GABRB2: variants seen among roughly 807,000 people sequenced by gnomAD.
GABRB2 encodes the protein gamma-aminobutyric acid receptor subunit beta-2.
A neutral mutation model predicts 54.7 loss-of-function variants in GABRB2; 16 were observed. That is an observed-to-expected ratio of 0.29 (90% CI 0.20 to 0.44). The LOEUF is 0.44. GABRB2 is among the 20% of genes least tolerant of loss of function. GABRB2 has a pLI of 1.00. For synonymous variants in GABRB2, 244 were observed against 233.8 expected, an observed-to-expected ratio of 1.04 and a Z score of -0.40; for missense variants, 355 against 644.0, an observed-to-expected ratio of 0.55 and a Z score of 4.86.
chr5:161,480,237 T>A (rs10038455), intron 3 of GABRB2, among the ~76,000 whole-genome samples: 26,193 of 151,966 alleles, frequency 0.17, 3,179 homozygotes, highest in African/African-American at 0.34. Flanking sequence ...AAGAGCAGTA[T>A]CACTGGTCTG....
chr5:161,440,595 A>T (rs1265523746), intron 4 of GABRB2, among the ~76,000 whole-genome samples: 1 of 152,196 alleles, frequency 6.6e-6, no homozygotes, highest in East Asian at 1.9e-4. Flanking sequence ...GGCAAATATT[A>T]TTAGAAGCAA....
At chr5:161,408,476 C>G (rs576250132) in intron 5 of GABRB2, among the ~76,000 whole-genome samples, 5 of 152,054 alleles carry the variant, frequency 3.3e-5, no homozygotes, top group South Asian at 2.1e-4. Context: ...TGTTCAATAA[C>G]AATTTAATGA....
chr5:161,533,598 T>C (rs1760534399), intron 3 of GABRB2, among the ~76,000 whole-genome samples: 3 of 152,144 alleles, frequency 2.0e-5, no homozygotes, highest in African/African-American at 7.2e-5. Flanking sequence ...CTTAAGTAAA[T>C]AATGGGTTCC....
At chr5:161,365,422 C>T (rs111408494) in intron 5 of GABRB2, among the ~76,000 whole-genome samples, 3,658 of 152,156 alleles carry the variant, frequency 0.024, 146 homozygotes, top group African/African-American at 0.082. Flanking sequence ...TTGTAATATA[C>T]ATTTCAATGT....
intron 3 of GABRB2, among the ~76,000 whole-genome samples, chr5:161,491,040 T>G (rs1302176014): frequency 1.3e-5 from 2 of 151,674 alleles, no homozygotes; most frequent in Non-Finnish European, 3.0e-5. Flanking sequence ...AAGTGCTTTT[T>G]GGGAGTAGAT....
intron 5 of GABRB2, among the ~76,000 whole-genome samples, chr5:161,410,267 T>C (rs1018430991): frequency 1.3e-5 from 2 of 152,120 alleles, no homozygotes; most frequent in East Asian, 1.9e-4. Flanking sequence ...GGAGATGCGT[T>C]ATAAAATCAC....
intron 5 of GABRB2, among the ~76,000 whole-genome samples, chr5:161,358,574 C>T (rs766121146): frequency 1.4e-4 from 22 of 152,216 alleles, no homozygotes; most frequent in Non-Finnish European, 2.2e-4. Context: ...GAATGGCTGG[C>T]GCCATCCCCT....
chr5:161,502,367 C>A (rs1207456410), intron 3 of GABRB2, among the ~76,000 whole-genome samples: 7 of 151,878 alleles, frequency 4.6e-5, no homozygotes, highest in Admixed American at 2.6e-4. Context: ...AGAATAGATA[C>A]AAAACACATA....
At chr5:161,413,703 G>A (rs1437848025) in intron 4 of GABRB2, among the ~76,000 whole-genome samples, 1 of 152,074 alleles carries the variant, frequency 6.6e-6, no homozygotes, top group Non-Finnish European at 1.5e-5. Context: ...ATGTAAAATG[G>A]CAGAAATAAT....
At chr5:161,371,667 T>C (rs1047025494) in intron 5 of GABRB2, among the ~76,000 whole-genome samples, 2 of 152,112 alleles carry the variant, frequency 1.3e-5, no homozygotes, top group African/African-American at 4.8e-5. Flanking sequence ...GGGGGTAAAG[T>C]CCTGATACTA....
chr5:161,456,038 C>T (rs1430840204), intron 4 of GABRB2, among the ~76,000 whole-genome samples: 1 of 152,154 alleles, frequency 6.6e-6, no homozygotes, highest in Non-Finnish European at 1.5e-5. Flanking sequence ...TTAACCTACC[C>T]CACCAATCTT....
rs547024763 is a variant in GABRB2, at chr5:161,527,990, A to T, written c.237+17237T>A. Among the ~76,000 whole-genome samples the T allele has an allele frequency of 1.6e-4, 24 of 151,816 alleles. No homozygotes were observed. The East Asian group carries it at 4.4e-3, about 28-fold the overall frequency. On this transcript the variant is annotated intron_variant, in intron 3 of 9. Coordinates refer to ENST00000393959, the MANE Select transcript of GABRB2 (RefSeq NM_001371727.1). ...GAAAATAATTTTACAAATGCATCAA[A>T]TATGAATACACAGGAGTGTTTAATA...
intron 5 of GABRB2, among the ~76,000 whole-genome samples, chr5:161,356,021 C>T (rs1291743587): frequency 6.6e-6 from 1 of 152,030 alleles, no homozygotes; most frequent in Non-Finnish European, 1.5e-5. Flanking sequence ...TTAGAGGGCA[C>T]AGGGGTGGAT....
intron 9 of GABRB2, among the ~76,000 whole-genome samples, chr5:161,315,286 T>A (rs747711507): frequency 6.6e-6 from 1 of 152,194 alleles, no homozygotes; most frequent in African/African-American, 2.4e-5. Flanking sequence ...AAATTAGTCA[T>A]AGTTAAGTCT....
chr5:161,302,663 G>A (rs987221521), intron 9 of GABRB2, among the ~76,000 whole-genome samples: 1 of 152,200 alleles, frequency 6.6e-6, no homozygotes, highest in African/African-American at 2.4e-5. Context: ...AGAGGAGATG[G>A]TGTTTTATCT....
intron 3 of GABRB2, among the ~76,000 whole-genome samples, chr5:161,520,620 C>G (rs1213507875): frequency 1.3e-5 from 2 of 152,144 alleles, no homozygotes; most frequent in African/African-American, 4.8e-5. Flanking sequence ...GAGATTGGGG[C>G]TCAGAGATTA....
At chr5:161,316,486 G>A (rs1758032622) in intron 9 of GABRB2, among the ~76,000 whole-genome samples, 1 of 152,128 alleles carries the variant, frequency 6.6e-6, no homozygotes, top group Non-Finnish European at 1.5e-5. Context: ...TTACTGTTCA[G>A]GCTTAACTAT....
intron 3 of GABRB2, among the ~76,000 whole-genome samples, chr5:161,506,469 T>G (rs987397693): frequency 6.6e-6 from 1 of 152,154 alleles, no homozygotes; most frequent in Non-Finnish European, 1.5e-5. Context: ...GGGCTTACAT[T>G]ATCTGATTTC....
chr5:161,485,677 C>G (rs1430628086), intron 3 of GABRB2, among the ~76,000 whole-genome samples: 1 of 151,942 alleles, frequency 6.6e-6, no homozygotes, highest in Non-Finnish European at 1.5e-5. Flanking sequence ...TGACCTACCC[C>G]TTCTAAGGTG....
Sources: allele counts gnomAD v4.1 joint callset (sites outside exome capture counted in the v4.1 genomes callset), GRCh38; gene constraint gnomAD v4.1.1; transcripts MANE v1.5; gene names NCBI Gene and HGNC (gene_info 2026-07-23, HGNC 2026-07-21).